Variants in ADAMTS17 observed in about 807,000 individuals in gnomAD.
ADAMTS17 encodes the protein A disintegrin and metalloproteinase with thrombospondin motifs 17.
A neutral mutation model predicts 141.5 loss-of-function variants in ADAMTS17; 113 were observed. That is an observed-to-expected ratio of 0.80 (90% CI 0.69 to 0.93). The LOEUF (loss-of-function observed/expected upper bound fraction) is 0.93, where lower values mean the gene tolerates loss of function less well. ADAMTS17 is among the 40% of genes least tolerant of loss of function. The pLI, the probability that ADAMTS17 is intolerant of heterozygous loss-of-function variation, is 0.00. For missense variants in ADAMTS17, 1,659 were observed against 1,517.9 expected (o/e 1.09, Z -1.54); for synonymous variants, 768 against 630.6 (o/e 1.22, Z -3.27).
At chr15:100,233,956 T>C (rs2042572534) in intron 7 of ADAMTS17, among the ~76,000 whole-genome samples, 1 of 152,136 alleles carries the variant, frequency 6.6e-6, no homozygotes, top group Non-Finnish European at 1.5e-5. Flanking sequence ...ATCTTAAGTG[T>C]CTTCAGAAGC....
chr15:100,260,633 A>G (rs915029182), intron 6 of ADAMTS17, among the ~76,000 whole-genome samples: 1 of 150,096 alleles, frequency 6.7e-6, no homozygotes, highest in Non-Finnish European at 1.5e-5. Flanking sequence ...AAAAACCAAA[A>G]AACAAAAAAC....
intron 13 of ADAMTS17, among the ~76,000 whole-genome samples, chr15:100,110,326 G>A (rs1036200908): frequency 6.7e-5 from 10 of 149,774 alleles, no homozygotes; most frequent in East Asian, 3.9e-4. Flanking sequence ...GTGCAGTGGC[G>A]CGATCTCAGC....
chr15:99,989,186 C>T (rs1257988123), intron 20 of ADAMTS17, among the ~76,000 whole-genome samples: 1 of 152,160 alleles, frequency 6.6e-6, no homozygotes, highest in Non-Finnish European at 1.5e-5. Flanking sequence ...AGCCTCTGTT[C>T]CCTCTTCTGT....
intron 3 of ADAMTS17, among the ~76,000 whole-genome samples, chr15:100,292,491 TGAGA>T (rs1009335673): frequency 7.1e-6 from 1 of 140,066 alleles, no homozygotes; most frequent in African/African-American, 2.7e-5. Flanking sequence ...TGTGAAATTA[TGAGA>T]GACACTCACC....
intron 4 of ADAMTS17, among the ~76,000 whole-genome samples, chr15:100,263,973 C>A (rs960849201): frequency 1.3e-5 from 2 of 152,238 alleles, no homozygotes; most frequent in African/African-American, 4.8e-5. Flanking sequence ...AAGCCAGGCA[C>A]GCAGTGTTTG....
At chr15:100,338,919 G>C (rs987657332) in intron 2 of ADAMTS17, 2 of 982,190 alleles carry the variant, frequency 2.0e-6, no homozygotes, top group Non-Finnish European at 2.4e-6. Context: ...TTTTCTTTAC[G>C]CTTTCAGGAC....
intron 12 of ADAMTS17, among the ~76,000 whole-genome samples, chr15:100,129,934 C>T (rs1048518260): frequency 2.6e-5 from 4 of 152,188 alleles, no homozygotes; most frequent in African/African-American, 9.6e-5. Flanking sequence ...CCAAACCCAG[C>T]CCTTTCTTCA....
At chr15:100,243,813 GA>G (rs2042903181) in intron 7 of ADAMTS17, among the ~76,000 whole-genome samples, 1 of 111,566 alleles carries the variant, frequency 9.0e-6, no homozygotes, top group South Asian at 3.6e-4. Flanking sequence ...AGAAAGAAAA[GA>G]AAAAGAAATG....
At chr15:100,097,993 G>A (rs949592574) in intron 14 of ADAMTS17, among the ~76,000 whole-genome samples, 9 of 152,162 alleles carry the variant, frequency 5.9e-5, no homozygotes, top group African/African-American at 1.2e-4. Flanking sequence ...AGCAAGTTGA[G>A]TCTAAAAATG....
At chr15:100,290,306 C>T (rs78466631) in intron 3 of ADAMTS17, among the ~76,000 whole-genome samples, 2,839 of 152,188 alleles carry the variant, frequency 0.019, 40 homozygotes, top group South Asian at 0.024. Context: ...ACCAAGGACA[C>T]GCAAAATCTC....
At chr15:100,099,722 ATAAT>A (rs2035978049) in intron 14 of ADAMTS17, among the ~76,000 whole-genome samples, 1 of 152,080 alleles carries the variant, frequency 6.6e-6, no homozygotes, top group East Asian at 1.9e-4. Flanking sequence ...GTCCCACGGC[ATAAT>A]TAAAGGCATG....
rs576295595 is a variant in ADAMTS17, at chr15:100,232,248, A to C, written c.1075+21888T>G. 2.4e-3 allele frequency among the ~76,000 whole-genome samples: 372 copies of C among 152,362 alleles called. 2 individuals are homozygous for C. The highest frequency in any genetic ancestry group is 7.8e-3 in the African/African-American group (324 of 41,590). On this transcript the variant is annotated intron_variant, in intron 7 of 21. Transcript: ENST00000268070. Reference sequence around the variant, plus strand: ...AGGCTAACCCTGGCCTAGCAGCGGAAGCCAATCCACCCGGGCAGGACACCT... The same window carrying C: ...AGGCTAACCCTGGCCTAGCAGCGGACGCCAATCCACCCGGGCAGGACACCT...
chr15:100,138,784 G>A (rs1311487827), intron 10 of ADAMTS17, among the ~76,000 whole-genome samples: 4 of 152,146 alleles, frequency 2.6e-5, no homozygotes, highest in South Asian at 2.1e-4. Context: ...ACTTAGGGGC[G>A]GGAGGCAGTG....
chr15:100,292,344 GAGACACTCACCCCGTGTGA>G (rs2044665679), intron 3 of ADAMTS17, among the ~76,000 whole-genome samples: 1 of 151,840 alleles, frequency 6.6e-6, no homozygotes. Flanking sequence ...GGAATTACGA[GAGACACTCACCCCGTGTGA>G]AATTACGAGA....
chr15:100,298,978 T>C (rs774975916), intron 3 of ADAMTS17, among the ~76,000 whole-genome samples: 3 of 152,174 alleles, frequency 2.0e-5, no homozygotes, highest in Non-Finnish European at 2.9e-5. Context: ...CCTTTGCTTG[T>C]AGGTGGCTGT....
At chr15:100,053,157 G>A (rs1426917710) in intron 16 of ADAMTS17, among the ~76,000 whole-genome samples, 1 of 152,208 alleles carries the variant, frequency 6.6e-6, no homozygotes, top group Admixed American at 6.5e-5. Flanking sequence ...AGGAGACCCG[G>A]AATCGATAAT....
chr15:100,031,333 C>T (rs1346947773), intron 18 of ADAMTS17, among the ~76,000 whole-genome samples: 1 of 152,162 alleles, frequency 6.6e-6, no homozygotes, highest in Admixed American at 6.5e-5. Flanking sequence ...TTAAACAAAT[C>T]CATTTCAATA....
chr15:100,082,488 C>T (rs1412996502), intron 15 of ADAMTS17, among the ~76,000 whole-genome samples: 2 of 151,918 alleles, frequency 1.3e-5, no homozygotes. Flanking sequence ...CCAGCTCATG[C>T]AATCCTCCTG....
chr15:100,257,761 C>A (rs984561672), intron 6 of ADAMTS17, among the ~76,000 whole-genome samples: 17 of 152,218 alleles, frequency 1.1e-4, no homozygotes, highest in Admixed American at 1.1e-3. Flanking sequence ...TGTGCTAATA[C>A]ATGAACATAA....
Sources: allele counts gnomAD v4.1 joint callset (sites outside exome capture counted in the v4.1 genomes callset), GRCh38; gene constraint gnomAD v4.1.1; transcripts MANE v1.5; gene names NCBI Gene and HGNC (gene_info 2026-07-23, HGNC 2026-07-21).